EPS8L3: variants seen among roughly 807,000 people sequenced by gnomAD.
The protein encoded by EPS8L3 is EPS8 signaling adaptor L3.
Under a neutral mutation model 88.5 loss-of-function variants are expected in EPS8L3, and 80 were observed. The observed-to-expected ratio is 0.90, with a 90% CI of 0.75 to 1.09. The LOEUF (loss-of-function observed/expected upper bound fraction) is 1.09, where lower values mean the gene tolerates loss of function less well. Ranked by LOEUF, EPS8L3 falls within the 50% of genes least tolerant of loss-of-function variation. EPS8L3 has a pLI of 0.00. For synonymous variants in EPS8L3, 286 were observed against 291.0 expected (o/e 0.98, Z 0.18); for missense variants, 721 against 735.2 (o/e 0.98, Z 0.22).
intron 10 of EPS8L3, 77 bp from the exon 11 acceptor site, chr1:109,757,632 C>T: frequency 6.8e-7 from 1 of 1,477,912 alleles, no homozygotes; most frequent in Non-Finnish European, 9.4e-7. Flanking sequence ...TTGTTTTATG[C>T]CTTGGCTGGA....
In EPS8L3 at chr1:109,750,607, C is replaced by T. The variant is rs948645425; in HGVS notation, c.1770+53G>A. 10 of 1,611,462 alleles carry T rather than the reference C, an allele frequency of 6.2e-6. No homozygotes were observed. The African/African-American group carries it at 1.2e-4, about 19-fold the overall frequency. ...CTTTTCCAACTGGCCCTCTCTCTCA[C>T]CCAGGAGCACCAGACACTCCCAATG... On this transcript the variant is annotated intron_variant, in intron 18 of 18. Coordinates refer to ENST00000361965, the MANE Select transcript of EPS8L3 (RefSeq NM_133181.4).
rs948574340 is a variant in EPS8L3 at position 109,757,725 on chromosome 1, T to A, written c.894+77A>T. The A allele has an allele frequency of 1.2e-5, 18 of 1,517,604 alleles. No homozygotes were observed. In the African/African-American group the frequency reaches 2.5e-4, roughly 21 times the overall value. 94.0% of individuals were successfully genotyped at this position (1,517,604 alleles called of 1,614,324 possible). On this transcript the variant is annotated intron_variant, in intron 10 of 18. Transcript: ENST00000361965. ...GAAGAAGAAAAAGGCTTGGGATGGT[T>A]GAGTCCAGACAGCAGAGGATTACTG...
chr1:109,762,551 A>G (rs1651090948), intron 1 of EPS8L3, among the ~76,000 whole-genome samples: 1 of 152,138 alleles, frequency 6.6e-6, no homozygotes, highest in Admixed American at 6.5e-5. Context: ...CACAATAGCC[A>G]CCACGGTGCT....
chr1:109,756,907 C>A, intron 12 of EPS8L3, 110 bp downstream of exon 12: 7 of 1,415,598 alleles, frequency 4.9e-6, no homozygotes, highest in Non-Finnish European at 6.9e-6. Flanking sequence ...CCAAGTAGCT[C>A]TGAAATATTT....
rs773321299 is a variant in EPS8L3, at chr1:109,751,280, A to G, written c.1635T>C (p.Thr545=). 4 of 1,613,708 alleles carry G rather than the reference A, an allele frequency of 2.5e-6. No homozygotes were observed. The South Asian group carries it at 4.4e-5, about 18-fold the overall frequency. The change falls in exon 17 of 19, where the codon ACT becomes ACC. Residue 545 remains threonine, a splice_region_variant and synonymous_variant. Transcript: ENST00000361965. ...ATCCTGTAGGGCCAGGCACTCACGC[A>G]GTGGAGAAGTTCTCTGCCTGCAGCC... The part of the protein sequence containing the change: ...TDWLQAENFS[T]ATVRTLGSLT...
At position 109,761,541 on chromosome 1, in the gene EPS8L3, G is replaced by T; in HGVS notation, c.50C>A (p.Ser17Tyr). ...RAIYLHRKEY[S>Y]QNLTSEPTLL... ...GGTGGGCTCTGAGGTGAGGTTCTGG[G>T]AGTACTCCTTCCGGTGCACTACAAG... is the stretch of plus-strand genomic sequence containing the variant. Residue 17 changes from serine (S) to tyrosine (Y), a missense_variant, in exon 3 of 19, where the codon TCC becomes TAC. Ser to Tyr is a moderately radical substitution (Grantham distance 144, BLOSUM62 -2). Coordinates refer to ENST00000361965, the MANE Select transcript of EPS8L3 (RefSeq NM_133181.4). The T allele has an allele frequency of 1.2e-6, 2 of 1,613,746 alleles. No homozygotes were observed. The highest frequency in any genetic ancestry group is 8.5e-7 in the Non-Finnish European group (1 of 1,179,832).
chr1:109,751,552 C>G, intron 16 of EPS8L3, 102 bp downstream of exon 16: 2 of 1,557,120 alleles, frequency 1.3e-6, no homozygotes, highest in South Asian at 2.3e-5. Context: ...TAATACGGTC[C>G]GAATCAAACC....
At chr1:109,753,373 A>G (rs1649989214) in intron 12 of EPS8L3, among the ~76,000 whole-genome samples, 175 bp from the exon 13 acceptor site, 1 of 152,236 alleles carries the variant, frequency 6.6e-6, no homozygotes, top group Non-Finnish European at 1.5e-5. Flanking sequence ...AGGAGCAAGC[A>G]GTTAAGCCTG....
chr1:109,752,195 T>C lies in EPS8L3; in HGVS notation c.1236-2A>G. ...CTCCCTAACCTATGACTTCCCCGCC[T>C]AAGAAACAGAGTCAGGATGGCTGGA... On this transcript the variant is annotated splice_acceptor_variant, in intron 14 of 18. Coordinates refer to ENST00000361965, the MANE Select transcript of EPS8L3 (RefSeq NM_133181.4). LOFTEE classifies it high-confidence loss of function. 1 of 1,609,442 alleles carries C rather than the reference T, an allele frequency of 6.2e-7. No homozygotes were observed. The highest frequency in any genetic ancestry group is 8.5e-7 in the Non-Finnish European group (1 of 1,177,076).
intron 1 of EPS8L3, among the ~76,000 whole-genome samples, chr1:109,762,576 G>A (rs531786515): frequency 3.3e-5 from 5 of 152,266 alleles, no homozygotes; most frequent in Admixed American, 2.6e-4. Context: ...GCCTGGTGCT[G>A]AGCCCCTTAC....
rs983241211 is a variant in EPS8L3, at chr1:109,752,019, A to C, written c.1410T>G (p.Thr470=). The stretch of plus-strand genomic sequence containing the variant: ...CCTCCAGCTTCTCTCCCTGGACCAC[A>C]GTCAGTTCCCGTGGGTTCCTAGCTT... ...EFEARNPREL[T]VVQGEKLEVL... is the part of the protein sequence containing the mutation. The change falls in exon 15 of 19, where the codon ACT becomes ACG. Residue 470 remains threonine (T), a synonymous_variant. Transcript: ENST00000361965. The C allele has an allele frequency of 3.1e-6, 5 of 1,611,454 alleles. No homozygotes were observed. Among genetic ancestry groups the C allele is most frequent in the Non-Finnish European group, 4.2e-6 (5 of 1,178,380 alleles).
In EPS8L3 at chr1:109,756,457, C is replaced by T. The variant is rs1035689869; in HGVS notation, c.1118+560G>A. ...TTCACCATGTTGGCCAGGATGGTCT[C>T]GAACTCCTGACCTCAGGTGATCCGC... On this transcript the variant is annotated intron_variant, in intron 12 of 18. Coordinates refer to ENST00000361965, the MANE Select transcript of EPS8L3 (RefSeq NM_133181.4). 5.3e-5 allele frequency among the ~76,000 whole-genome samples: 8 copies of T among 152,312 alleles called. No homozygotes were observed. In the East Asian group the frequency reaches 1.3e-3, roughly 26 times the overall value.
At chr1:109,761,234 C>T (rs1168112548) in intron 3 of EPS8L3, 1 of 445,084 alleles carries the variant, frequency 2.2e-6, no homozygotes. Flanking sequence ...GCTACTTCTT[C>T]CTGTCTGGGG....
In EPS8L3 at chr1:109,759,961, C is replaced by T; in HGVS notation, c.97-125G>A. On this transcript the variant is annotated intron_variant, in intron 3 of 18. Coordinates refer to ENST00000361965, the MANE Select transcript of EPS8L3 (RefSeq NM_133181.4). The surrounding 1 kb of genome is among the most constrained non-coding windows in gnomAD (Gnocchi z 4.2). ...CTCGGCCCCCTTGAGGTAGGAGGTT[C>T]CAGGCTTCAGATAAAGCAACTTTCC... 1.9e-6 allele frequency: 2 copies of T among 1,061,464 alleles called. No individual in the cohort carries two copies. The highest frequency in any genetic ancestry group is 1.6e-5 in the African/African-American group (1 of 63,186). 65.8% of individuals were successfully genotyped at this position (1,061,464 alleles called of 1,614,324 possible).
chr1:109,758,953 A>C (rs1650594207), intron 6 of EPS8L3, 109 bp downstream of exon 6: 2 of 1,203,784 alleles, frequency 1.7e-6, no homozygotes, highest in Admixed American at 4.1e-5. Flanking sequence ...GTCCAGGCCC[A>C]GGTTGGTTGG....
chr1:109,762,536 A>G (rs559865074), intron 1 of EPS8L3, among the ~76,000 whole-genome samples: 1 of 152,272 alleles, frequency 6.6e-6, no homozygotes, highest in South Asian at 2.1e-4. Flanking sequence ...TCCAGCAACA[A>G]TAGTCACAAT....
At position 109,752,692 on chromosome 1, in the gene EPS8L3, G is replaced by T. The variant is rs1236311138; in HGVS notation, c.1229C>A (p.Ser410Tyr). The T allele has an allele frequency of 1.3e-6, 2 of 1,551,882 alleles. No individual in the cohort carries two copies. The highest frequency in any genetic ancestry group is 1.4e-5 in the African/African-American group (1 of 73,168). The change falls in exon 14 of 19, where the codon TCC becomes TAC. Residue 410 changes from serine (S) to tyrosine (Y), a missense_variant. By Grantham distance (144) the Ser-to-Tyr change is moderately radical. Coordinates refer to ENST00000361965, the MANE Select transcript of EPS8L3 (RefSeq NM_133181.4). Reference protein sequence around the residue: ...QAPLGYQDPVSLRRGSHRLGS... With the variant: ...QAPLGYQDPVYLRRGSHRLGS... ...TATTAAGCTCAGAGCATACCGAAGG[G>T]AAACAGGGTCCTGGTATCCTAAGGG...
chr1:109,755,434 AATAG>A (rs1395047074), intron 12 of EPS8L3, among the ~76,000 whole-genome samples: 7 of 152,256 alleles, frequency 4.6e-5, no homozygotes, highest in Admixed American at 2.6e-4. Flanking sequence ...CATAATAAAA[AATAG>A]ATAGTTTTGA....
At position 109,751,364 on chromosome 1, in the gene EPS8L3, G is replaced by A; in HGVS notation, c.1564-13C>T. ...GAAGCATTGGAACCTAGAATCAGGG[G>A]GAACCAGGGATCAGAGTCCATCTCA... On this transcript the variant is annotated splice_polypyrimidine_tract_variant and intron_variant, in intron 16 of 18. Coordinates refer to ENST00000361965, the MANE Select transcript of EPS8L3 (RefSeq NM_133181.4). 1 of 1,612,798 alleles carries A rather than the reference G, an allele frequency of 6.2e-7. No homozygotes were observed. Among genetic ancestry groups the A allele is most frequent in the Non-Finnish European group, 8.5e-7 (1 of 1,179,556 alleles).
Sources: gnomAD v4.1 joint callset for allele counts (sites outside exome capture counted in the v4.1 genomes callset) on GRCh38, gnomAD v4.1.1 for gene constraint, Gnocchi (gnomAD v3.1) non-coding constraint, MANE v1.5 for transcripts, NCBI Gene and HGNC (gene_info 2026-07-23, HGNC 2026-07-21) for gene names.